SORCS3: variants seen among roughly 807,000 people sequenced by gnomAD.
SORCS3 encodes the protein sortilin related VPS10 domain containing receptor 3.
Under a neutral mutation model 146.3 loss-of-function variants are expected in SORCS3, and 57 were observed. The ratio of observed to expected loss-of-function variants is 0.39; its 90% CI spans 0.31 to 0.49. SORCS3 has a LOEUF of 0.49. Among genes scored for constraint, SORCS3 ranks in the 20% least tolerant of loss-of-function variants. SORCS3 has a pLI of 0.92. For synonymous variants in SORCS3, 653 were observed against 618.5 expected (o/e 1.06, Z -0.83); for missense variants, 1,341 against 1,575.5 (o/e 0.85, Z 2.52).
chr10:105,127,206 T>TAC (rs2055982001), intron 7 of SORCS3, among the ~76,000 whole-genome samples: 2 of 152,098 alleles, frequency 1.3e-5, no homozygotes, highest in African/African-American at 2.4e-5. Flanking sequence ...TGCTTCCCTG[T>TAC]TTCCTGCAGG....
intron 1 of SORCS3, among the ~76,000 whole-genome samples, chr10:104,759,058 A>C (rs1182114023): frequency 6.6e-6 from 1 of 152,274 alleles, no homozygotes; most frequent in Non-Finnish European, 1.5e-5. Flanking sequence ...GTCATGCTGG[A>C]GTAGGGTGGG....
At chr10:105,031,318 C>T (rs1045782564) in intron 4 of SORCS3, among the ~76,000 whole-genome samples, 1 of 104,772 alleles carries the variant, frequency 9.5e-6, no homozygotes, top group Non-Finnish European at 1.9e-5. Context: ...AAACAAACAA[C>T]ACACACACAC....
At chr10:104,884,854 T>C (rs1272831119) in intron 2 of SORCS3, among the ~76,000 whole-genome samples, 2 of 152,002 alleles carry the variant, frequency 1.3e-5, no homozygotes, top group African/African-American at 2.4e-5. Context: ...TTTTTTTTTT[T>C]CCTCCTATGT....
chr10:104,875,747 G>A (rs1309149220), intron 2 of SORCS3, among the ~76,000 whole-genome samples: 1 of 152,090 alleles, frequency 6.6e-6, no homozygotes, highest in African/African-American at 2.4e-5. Context: ...TGGGCTCAAT[G>A]GTGCATATTA....
In SORCS3 at chr10:104,661,403, A is replaced by G. The variant is rs530169496; in HGVS notation, c.627+19449A>G. Reference sequence around the variant, plus strand: ...AGAAAGATATGTATCTTGCTCCACCACCCTAACTTGTTCTCCTGAAGCAGG... The same window carrying G: ...AGAAAGATATGTATCTTGCTCCACCGCCCTAACTTGTTCTCCTGAAGCAGG... On this transcript the variant is annotated intron_variant, in intron 1 of 26. Coordinates refer to ENST00000369701, the MANE Select transcript of SORCS3 (RefSeq NM_014978.3). Among the ~76,000 whole-genome samples the G allele has an allele frequency of 7.2e-5, 11 of 152,152 alleles. No individual in the cohort carries two copies. In the East Asian group the frequency reaches 2.1e-3, roughly 29 times the overall value.
At chr10:105,161,149 C>T (rs1448454628) in intron 11 of SORCS3, among the ~76,000 whole-genome samples, 1 of 152,054 alleles carries the variant, frequency 6.6e-6, no homozygotes, top group Non-Finnish European at 1.5e-5. Context: ...TTTTATCTCC[C>T]CTTGTAATTC....
chr10:104,682,626 T>C (rs181913759), intron 1 of SORCS3, among the ~76,000 whole-genome samples: 3 of 152,354 alleles, frequency 2.0e-5, no homozygotes, highest in African/African-American at 7.2e-5. Context: ...GGATGGTTAA[T>C]GCATCCTGCC....
chr10:105,242,495 TATATATTTA>T (rs1231499383), intron 20 of SORCS3, among the ~76,000 whole-genome samples: 7 of 17,462 alleles, frequency 4.0e-4, no homozygotes, highest in Non-Finnish European at 6.9e-4. Flanking sequence ...TATATATTTA[TATATATTTA>T]TATATATTTA....
chr10:105,082,189 C>A (rs760136530), intron 5 of SORCS3, among the ~76,000 whole-genome samples: 2 of 152,196 alleles, frequency 1.3e-5, no homozygotes, highest in Non-Finnish European at 2.9e-5. Context: ...CAGATTGTTA[C>A]AGGAGCCTTG....
intron 13 of SORCS3, among the ~76,000 whole-genome samples, chr10:105,171,418 C>G (rs567332752): frequency 6.6e-6 from 1 of 152,100 alleles, no homozygotes; most frequent in Non-Finnish European, 1.5e-5. Flanking sequence ...AACTCACAAT[C>G]GGCAGAGCAC....
intron 12 of SORCS3, among the ~76,000 whole-genome samples, chr10:105,167,004 T>C (rs1397712416): frequency 6.6e-6 from 1 of 152,160 alleles, no homozygotes; most frequent in Admixed American, 6.5e-5. Context: ...TCATGTAGCA[T>C]GCTGGTTCAC....
At chr10:104,752,477 T>C (rs1486484870) in intron 1 of SORCS3, among the ~76,000 whole-genome samples, 1 of 152,196 alleles carries the variant, frequency 6.6e-6, no homozygotes, top group Non-Finnish European at 1.5e-5. Flanking sequence ...TAAGCCTTGC[T>C]TGTAAAAGAG....
At chr10:105,262,525 C>A in intron 26 of SORCS3, 34 bp downstream of exon 26, 4 of 1,597,898 alleles carry the variant, frequency 2.5e-6, no homozygotes, top group Non-Finnish European at 3.4e-6. Flanking sequence ...CTCCCCTGTT[C>A]TGTGTCCTCT....
Position 105,014,952 on chromosome 10 carries a change from G to A in SORCS3, c.955-28103G>A, listed in dbSNP as rs1028745093. Reference sequence around the variant, plus strand: ...TAACTGTGAGAAGTAAATCTCTGTTGTTTATAAGCTACCCAGTTTATGGTA... The same window carrying A: ...TAACTGTGAGAAGTAAATCTCTGTTATTTATAAGCTACCCAGTTTATGGTA... On this transcript the variant is annotated intron_variant, in intron 4 of 26. Coordinates refer to ENST00000369701, the MANE Select transcript of SORCS3 (RefSeq NM_014978.3). Among the ~76,000 whole-genome samples, 19 of 152,270 alleles carry A rather than the reference G, an allele frequency of 1.2e-4. No homozygotes were observed. The East Asian group carries it at 3.5e-3, about 28-fold the overall frequency.
intron 7 of SORCS3, among the ~76,000 whole-genome samples, chr10:105,138,962 A>G (rs2056076589): frequency 6.6e-6 from 1 of 152,256 alleles, no homozygotes. Context: ...AGAGCTTTGA[A>G]CAATAGTAAT....
At chr10:104,714,386 A>T (rs1181066780) in intron 1 of SORCS3, among the ~76,000 whole-genome samples, 1 of 152,050 alleles carries the variant, frequency 6.6e-6, no homozygotes, top group East Asian at 1.9e-4. Context: ...TAACATATGC[A>T]CTTAATGCTA....
intron 20 of SORCS3, among the ~76,000 whole-genome samples, chr10:105,243,054 T>TATATATTTAC (rs1182055418): frequency 6.6e-5 from 9 of 136,240 alleles, no homozygotes; most frequent in Non-Finnish European, 9.2e-5. Context: ...TATATATATT[T>TATATATTTAC]ATATATTTAT....
At chr10:104,837,838 C>A (rs2133542531) in intron 1 of SORCS3, among the ~76,000 whole-genome samples, 1 of 152,280 alleles carries the variant, frequency 6.6e-6, no homozygotes, top group East Asian at 1.9e-4. Flanking sequence ...CATTCCTATT[C>A]ATTGCCTTGC....
At chr10:105,109,820 A>T (rs2055847582) in intron 7 of SORCS3, among the ~76,000 whole-genome samples, 1 of 152,116 alleles carries the variant, frequency 6.6e-6, no homozygotes, top group African/African-American at 2.4e-5. Flanking sequence ...ATATTTTGAT[A>T]CCAATTACTC....
Sources: allele counts gnomAD v4.1 joint callset (sites outside exome capture counted in the v4.1 genomes callset), GRCh38; gene constraint gnomAD v4.1.1; transcripts MANE v1.5; gene names NCBI Gene and HGNC (gene_info 2026-07-23, HGNC 2026-07-21).